Variants in NPTN observed in about 807,000 individuals in gnomAD.
NPTN encodes neuroplastin, also known as SDR-1.
Under a neutral mutation model 42.7 loss-of-function variants are expected in NPTN, and 5 were observed. The ratio of observed to expected loss-of-function variants is 0.12; its 90% CI spans 0.06 to 0.25. The LOEUF is 0.25. Ranked by LOEUF, NPTN falls within the 10% of genes least tolerant of loss-of-function variation. The probability of loss-of-function intolerance (pLI) is 1.00; values close to 1 mark genes in which losing one functional copy is unlikely to be tolerated. For synonymous variants in NPTN, 180 were observed against 201.9 expected (o/e 0.89, Z 0.92); for missense variants, 307 against 525.4 (o/e 0.58, Z 4.06).
At chr15:73,624,958 T>A (rs184284134) in intron 1 of NPTN, among the ~76,000 whole-genome samples, 68 of 152,368 alleles carry the variant, frequency 4.5e-4, no homozygotes, top group Admixed American at 3.2e-3. Flanking sequence ...CTATATATAA[T>A]GGCTAATGTA....
intron 2 of NPTN, among the ~76,000 whole-genome samples, chr15:73,594,868 A>G (rs1444751054): frequency 6.6e-6 from 1 of 151,904 alleles, no homozygotes; most frequent in Non-Finnish European, 1.5e-5. Context: ...CTTAGATAGA[A>G]CACCTGATGT....
chr15:73,578,127 AAAAG>A (rs1895792947), intron 4 of NPTN, among the ~76,000 whole-genome samples: 1 of 152,138 alleles, frequency 6.6e-6, no homozygotes, highest in Non-Finnish European at 1.5e-5. Context: ...AGCAGGAAAT[AAAAG>A]AAATCAGAGA....
intron 1 of NPTN, among the ~76,000 whole-genome samples, chr15:73,628,522 GTCAC>G (rs1898551154): frequency 6.6e-6 from 1 of 152,158 alleles, no homozygotes; most frequent in South Asian, 2.1e-4. Flanking sequence ...ATCCAACATG[GTCAC>G]TCACTGTTTC....
intron 1 of NPTN, among the ~76,000 whole-genome samples, chr15:73,628,598 A>C (rs1246497125): frequency 9.2e-5 from 14 of 152,142 alleles, no homozygotes; most frequent in Non-Finnish European, 1.5e-5. Flanking sequence ...GTTGTAAAAA[A>C]CCTTTACACA....
At chr15:73,566,497 C>G (rs1355785158) in intron 6 of NPTN, among the ~76,000 whole-genome samples, 1 of 152,184 alleles carries the variant, frequency 6.6e-6, no homozygotes, top group African/African-American at 2.4e-5. Context: ...AAATCAGCTC[C>G]TGTTTTAATT....
At position 73,569,127 on chromosome 15, in the gene NPTN, G is replaced by A; in HGVS notation, c.1114+1023C>T. ...CCGGGTAGGCTACCACTGAGCCCAG[G>A]GGCACACCCATCTGTCTAGTCTAGC... On this transcript the variant is annotated intron_variant, in intron 6 of 8. Transcript: ENST00000345330. The surrounding 1 kb of genome is among the most constrained non-coding windows in gnomAD (Gnocchi z 4.1). The A allele has an allele frequency of 1.0e-6, 1 of 985,578 alleles. No homozygotes were observed. Among genetic ancestry groups the A allele is most frequent in the Non-Finnish European group, 1.2e-6 (1 of 830,072 alleles). 61.1% of individuals were successfully genotyped at this position (985,578 alleles called of 1,614,324 possible). A position where few individuals can be genotyped will look rare whatever the true frequency, so the allele number is the denominator to read the frequency against.
chr15:73,629,783 A>G (rs1487588774), intron 1 of NPTN, among the ~76,000 whole-genome samples: 1 of 151,994 alleles, frequency 6.6e-6, no homozygotes, highest in Non-Finnish European at 1.5e-5. Context: ...CTTATTCACA[A>G]CAATAATACT....
intron 1 of NPTN, among the ~76,000 whole-genome samples, chr15:73,604,279 C>T (rs1441514156): frequency 6.6e-6 from 1 of 151,992 alleles, no homozygotes; most frequent in Admixed American, 6.6e-5. Context: ...GCCTGGGTAA[C>T]ACGGCAAAAA....
At chr15:73,579,111 TCTA>T (rs1280499306) in intron 4 of NPTN, among the ~76,000 whole-genome samples, 2 of 150,242 alleles carry the variant, frequency 1.3e-5, no homozygotes, top group East Asian at 3.9e-4. Flanking sequence ...AAACCCCGTC[TCTA>T]CTAAAAATAC....
intron 1 of NPTN, among the ~76,000 whole-genome samples, chr15:73,602,758 A>T (rs980192430): frequency 2.0e-5 from 3 of 152,202 alleles, no homozygotes; most frequent in Admixed American, 6.5e-5. Flanking sequence ...AAGAGGTACC[A>T]CAGATTAGTC....
chr15:73,621,254 G>C (rs1033022454), intron 1 of NPTN, among the ~76,000 whole-genome samples: 3 of 152,102 alleles, frequency 2.0e-5, no homozygotes, highest in African/African-American at 7.2e-5. Context: ...CCCTAGTAGA[G>C]AGGAATAATT....
intron 5 of NPTN, among the ~76,000 whole-genome samples, chr15:73,572,773 C>T (rs1384647903): frequency 2.6e-5 from 4 of 152,146 alleles, no homozygotes; most frequent in Non-Finnish European, 4.4e-5. Flanking sequence ...GAATTAGGCT[C>T]GGTTCTTTCA....
chr15:73,561,873 C>G, intron 8 of NPTN, 23 bp downstream of exon 8: 2 of 1,533,544 alleles, frequency 1.3e-6, no homozygotes, highest in African/African-American at 2.7e-5. Flanking sequence ...ATTTTTAAGA[C>G]TGCTACAGAA....
intron 6 of NPTN, 31 bp from the exon 7 acceptor site, chr15:73,563,288 TGA>T (rs756545782): frequency 3.1e-6 from 5 of 1,612,622 alleles, no homozygotes; most frequent in Admixed American, 1.7e-5. Context: ...TAAAAATCCA[TGA>T]GAGATAAGAG....
At chr15:73,562,878 C>T (rs913374357) in intron 7 of NPTN, among the ~76,000 whole-genome samples, 1 of 152,096 alleles carries the variant, frequency 6.6e-6, no homozygotes, top group African/African-American at 2.4e-5. Flanking sequence ...GTTGAGTATT[C>T]CTCATCTGAA....
intron 6 of NPTN, chr15:73,568,691 G>A (rs1895184474): frequency 5.1e-6 from 5 of 985,390 alleles, no homozygotes; most frequent in African/African-American, 1.7e-5. Flanking sequence ...CCAGGTTGCA[G>A]GAAACTAGAG....
At position 73,624,252 on chromosome 15, in the gene NPTN, G is replaced by A. The variant is rs192281265; in HGVS notation, c.91+8873C>T. On this transcript the variant is annotated intron_variant, in intron 1 of 8. Transcript: ENST00000345330. ...GATACGTGATCACTATGTTATTTGT[G>A]TAAGGGTAATTCAATGACAGTTCAC... Among the ~76,000 whole-genome samples the A allele has an allele frequency of 4.5e-4, 69 of 152,312 alleles. 1 individual carries two copies. Among genetic ancestry groups the A allele is most frequent in the Admixed American group, 2.7e-3 (41 of 15,300 alleles).
intron 4 of NPTN, 23 bp downstream of exon 4, chr15:73,587,501 C>A (rs1379845124): frequency 6.4e-7 from 1 of 1,570,860 alleles, no homozygotes; most frequent in South Asian, 1.1e-5. Flanking sequence ...GAGGCTCACA[C>A]CACAGCCTCT....
intron 1 of NPTN, among the ~76,000 whole-genome samples, chr15:73,612,533 C>T (rs140457822): frequency 0.11 from 16,470 of 151,928 alleles, 1,155 homozygotes; most frequent in African/African-American, 0.2. Flanking sequence ...TTTGGGAGGC[C>T]GAGGTGGGCG....
Sources: allele counts gnomAD v4.1 joint callset (sites outside exome capture counted in the v4.1 genomes callset), GRCh38; gene constraint gnomAD v4.1.1; non-coding constraint Gnocchi (gnomAD v3.1); transcripts MANE v1.5; gene names NCBI Gene and HGNC (gene_info 2026-07-23, HGNC 2026-07-21).